Variants in MPRIP observed in about 807,000 individuals in gnomAD.
The protein encoded by MPRIP is myosin phosphatase Rho interacting protein.
A neutral mutation model predicts 234.9 loss-of-function variants in MPRIP; 59 were observed. That is an observed-to-expected ratio of 0.25 (90% CI 0.20 to 0.31). The LOEUF (loss-of-function observed/expected upper bound fraction) is 0.31. Among genes scored for constraint, MPRIP ranks in the 10% least tolerant of loss-of-function variants. The pLI is 1.00. For synonymous variants in MPRIP, 1,144 were observed against 1,263.9 expected, an observed-to-expected ratio of 0.91 and a Z score of 2.01; for missense variants, 2,436 against 3,071.0, an observed-to-expected ratio of 0.79 and a Z score of 4.89.
chr17:17,068,835 G>A (rs947540162), intron 1 of MPRIP, among the ~76,000 whole-genome samples: 2 of 152,016 alleles, frequency 1.3e-5, no homozygotes, highest in Non-Finnish European at 2.9e-5. Context: ...CGCCCAGCCC[G>A]ATTTCTACTT....
intron 16 of MPRIP, chr17:17,171,512 CT>C (rs2046134118): frequency 5.0e-6 from 3 of 596,676 alleles, no homozygotes; most frequent in Non-Finnish European, 5.9e-6. Flanking sequence ...TGGTAACACC[CT>C]TTTCTGAATG....
intron 22 of MPRIP, 69 bp downstream of exon 22, chr17:17,177,481 C>G (rs2046281817): frequency 6.5e-7 from 1 of 1,531,212 alleles, no homozygotes; most frequent in Admixed American, 1.8e-5. Flanking sequence ...GTAGAGGTTT[C>G]CCGGTGCTTG....
At chr17:17,160,444 C>G (rs1347657012) in intron 14 of MPRIP, among the ~76,000 whole-genome samples, 1 of 152,242 alleles carries the variant, frequency 6.6e-6, no homozygotes. Context: ...ACTGGCCTGA[C>G]TGTCCACCAC....
intron 1 of MPRIP, among the ~76,000 whole-genome samples, chr17:17,059,305 C>T (rs762704149): frequency 2.0e-5 from 3 of 152,160 alleles, no homozygotes; most frequent in Non-Finnish European, 4.4e-5. Context: ...ACTGTACACT[C>T]ATGAAAGAGT....
intron 1 of MPRIP, among the ~76,000 whole-genome samples, chr17:17,066,723 CTTTTTTTTTTTTTTTTTTTTTTTTT>C (rs34804730): frequency 9.8e-4 from 36 of 36,684 alleles, no homozygotes; most frequent in East Asian, 3.6e-3. Flanking sequence ...CTTTTTTCAT[CTTTTTTTTTTTTTTTTTTTTTTTTT>C]TTTTTTTTTT....
intron 5 of MPRIP, among the ~76,000 whole-genome samples, chr17:17,134,219 G>A (rs2090651041): frequency 6.6e-6 from 1 of 152,210 alleles, no homozygotes; most frequent in South Asian, 2.1e-4. Context: ...GGGAAGTGGG[G>A]AGCCTTCTGA....
Position 17,183,040 on chromosome 17 carries a change from A to G in MPRIP, c.7207-1783A>G, listed in dbSNP as rs117672911. Reference sequence around the variant, plus strand: ...GCACTCTGTGGGGAGGGACCCCCCAAGGGCACCTGGAAGCAGGCATGGGTG... The same window carrying G: ...GCACTCTGTGGGGAGGGACCCCCCAGGGGCACCTGGAAGCAGGCATGGGTG... On this transcript the variant is annotated intron_variant, in intron 23 of 23. Transcript: ENST00000651222. 9.0e-3 allele frequency: 1,368 copies of G among 152,454 alleles called. 60 individuals are homozygous for G. Among genetic ancestry groups the G allele is most frequent in the Admixed American group, 0.064 (983 of 15,308 alleles). The allele number at this position is 152,454 out of a possible 1,614,324, so 9.4% of individuals were successfully genotyped here.
At chr17:17,180,565 G>T (rs776263039) in intron 23 of MPRIP, 1 of 1,576,212 alleles carries the variant, frequency 6.3e-7, no homozygotes, top group Non-Finnish European at 8.7e-7. Flanking sequence ...GCGTGTGTTT[G>T]GGATTGGTTG....
intron 1 of MPRIP, among the ~76,000 whole-genome samples, chr17:17,050,526 G>T (rs1218203495): frequency 1.3e-5 from 2 of 152,168 alleles, no homozygotes; most frequent in Non-Finnish European, 2.9e-5. Flanking sequence ...CAGCCCTGGG[G>T]TGCCACAGGT....
At chr17:17,115,772 C>T (rs970268274) in intron 3 of MPRIP, among the ~76,000 whole-genome samples, 11 of 151,736 alleles carry the variant, frequency 7.2e-5, no homozygotes, top group Non-Finnish European at 1.6e-4. Flanking sequence ...CACAACTTTA[C>T]CATCTGCTGG....
chr17:17,152,404 C>T (rs1424543708), intron 12 of MPRIP, among the ~76,000 whole-genome samples: 4 of 152,290 alleles, frequency 2.6e-5, no homozygotes, highest in South Asian at 2.1e-4. Context: ...GCATCAGCCA[C>T]TCTCACCCAC....
At chr17:17,133,754 C>T (rs959643932) in intron 5 of MPRIP, among the ~76,000 whole-genome samples, 2 of 152,150 alleles carry the variant, frequency 1.3e-5, no homozygotes, top group African/African-American at 4.8e-5. Flanking sequence ...CAGCTGAGGG[C>T]GGGAGTCTCA....
At chr17:17,148,632 G>GC (rs1567751236) in intron 11 of MPRIP, among the ~76,000 whole-genome samples, 1 of 152,130 alleles carries the variant, frequency 6.6e-6, no homozygotes, top group Non-Finnish European at 1.5e-5. Flanking sequence ...AGTAAGCATC[G>GC]CCTGGCTGCA....
At chr17:17,154,910 T>C (rs971838722) in intron 13 of MPRIP, among the ~76,000 whole-genome samples, 3 of 152,264 alleles carry the variant, frequency 2.0e-5, no homozygotes, top group East Asian at 1.9e-4. Flanking sequence ...CTGTGGTTCA[T>C]GTGTCTCAGA....
At chr17:17,154,487 A>T in intron 13 of MPRIP, 72 bp downstream of exon 13, 1 of 1,342,878 alleles carries the variant, frequency 7.4e-7, no homozygotes, top group East Asian at 2.3e-5. Flanking sequence ...GCAGTGTCAG[A>T]CTCAGGTCTG....
chr17:17,118,769 G>A (rs553494282), intron 3 of MPRIP, among the ~76,000 whole-genome samples: 3 of 152,290 alleles, frequency 2.0e-5, no homozygotes, highest in Non-Finnish European at 4.4e-5. Context: ...ATGGGATCAT[G>A]ACCCCTTTTC....
intron 1 of MPRIP, among the ~76,000 whole-genome samples, chr17:17,072,786 A>G (rs1353843611): frequency 2.0e-5 from 3 of 151,896 alleles, no homozygotes; most frequent in Non-Finnish European, 2.9e-5. Flanking sequence ...GTAATTACAG[A>G]TGGCTCCTCA....
Position 17,166,980 on chromosome 17 carries a change from G to A in MPRIP, c.5389G>A (p.Ala1797Thr), listed in dbSNP as rs1471280018. 1 of 1,304,260 alleles carries A rather than the reference G, an allele frequency of 7.7e-7. No individual in the cohort carries two copies. Among genetic ancestry groups the A allele is most frequent in the South Asian group, 1.2e-5 (1 of 81,034 alleles). 80.8% of individuals were successfully genotyped at this position (1,304,260 alleles called of 1,614,324 possible). A position where few individuals can be genotyped will look rare whatever the true frequency, so the allele number is the denominator to read the frequency against. The change falls in exon 16 of 24, where the codon GCG becomes ACG. Residue 1797 changes from alanine (A) to threonine (T), a missense_variant. This residue lies in a region of MPRIP where 1,998 missense variants were observed against 2,520.3 expected (regional missense o/e 0.79). Transcript: ENST00000651222. The surrounding 1 kb of genome is among the most constrained non-coding windows in gnomAD (Gnocchi z 4.4). ...KEKASLLEEI[A>T]AALPSLPPVE... ...GAAGGCCAGCCTCTTAGAGGAGATA[G>A]CGGCTGCCTTACCATCTCTGCCACC...
chr17:17,165,640 C>T lies in MPRIP; in HGVS notation c.4049C>T (p.Thr1350Ile). The change falls in exon 16 of 24, where the codon ACC (threonine) becomes ATC (isoleucine). Residue 1350 changes from threonine (T) to isoleucine (I), a missense_variant. Thr to Ile is a moderately conservative substitution (Grantham distance 89, BLOSUM62 -1). Coordinates refer to ENST00000651222, the MANE Select transcript of MPRIP (RefSeq NM_001364716.4). ...TGGACCAGCAGCACATCTTCCGACA[C>T]CAGCCAGGACCGGTCACCCTCGGAA... ...KTWTSSTSSD[T>I]SQDRSPSEES... The T allele has an allele frequency of 7.7e-7, 1 of 1,305,038 alleles. No individual in the cohort carries two copies. The highest frequency in any genetic ancestry group is 1.0e-6 in the Non-Finnish European group (1 of 989,058). 80.8% of individuals were successfully genotyped at this position (1,305,038 alleles called of 1,614,324 possible).
Sources: allele counts gnomAD v4.1 joint callset (sites outside exome capture counted in the v4.1 genomes callset), GRCh38; gene constraint gnomAD v4.1.1; regional missense constraint gnomAD v4.1.1; non-coding constraint Gnocchi (gnomAD v3.1); transcripts MANE v1.5; gene names NCBI Gene and HGNC (gene_info 2026-07-23, HGNC 2026-07-21).